Variants in FGF14 observed in about 807,000 individuals in gnomAD.
FGF14 encodes fibroblast growth factor homologous factor 4.
Under a neutral mutation model 25.5 loss-of-function variants are expected in FGF14, and 5 were observed. The observed-to-expected ratio is 0.20, with a 90% confidence interval of 0.10 to 0.41. The LOEUF is 0.41. Among genes scored for constraint, FGF14 ranks in the 10% least tolerant of loss-of-function variants. FGF14 has a pLI of 1.00. For missense variants in FGF14, 222 were observed against 320.1 expected, an observed-to-expected ratio of 0.69 and a Z score of 2.34; for synonymous variants, 138 against 118.3, an observed-to-expected ratio of 1.17 and a Z score of -1.08.
chr13:102,162,326 A>G (rs976263748), intron 1 of FGF14, among the ~76,000 whole-genome samples: 1 of 152,184 alleles, frequency 6.6e-6, no homozygotes, highest in African/African-American at 2.4e-5. Flanking sequence ...TTGAAGAGAA[A>G]GCTTTTAGAA....
rs973870854 is a variant in FGF14, at chr13:102,212,738, C to A, written c.208+188733G>T. On this transcript the variant is annotated intron_variant, in intron 1 of 4. Transcript: ENST00000376131. ...ATTGAGGAGGGCAAATAACTCTCTA[C>A]CTCTTCAAAATTTACAGATATCCTG... Among the ~76,000 whole-genome samples, 43 of 152,260 alleles carry A rather than the reference C, an allele frequency of 2.8e-4. 1 individual carries two copies. Among genetic ancestry groups the A allele is most frequent in the African/African-American group, 1.0e-3 (43 of 41,550 alleles).
At chr13:102,161,925 CT>C (rs567518687) in intron 1 of FGF14, among the ~76,000 whole-genome samples, 44 of 151,110 alleles carry the variant, frequency 2.9e-4, no homozygotes, top group Non-Finnish European at 4.9e-4. Flanking sequence ...TAACTGTTTT[CT>C]TTTTTTTATC....
At chr13:102,034,097 AAGG>A (rs1378135380) in intron 1 of FGF14, among the ~76,000 whole-genome samples, 1 of 152,122 alleles carries the variant, frequency 6.6e-6, no homozygotes, top group Non-Finnish European at 1.5e-5. Flanking sequence ...AACAGCAGGA[AAGG>A]AGAAGACTGC....
chr13:102,251,074 A>T (rs933051142), intron 1 of FGF14, among the ~76,000 whole-genome samples: 1 of 152,220 alleles, frequency 6.6e-6, no homozygotes, highest in Admixed American at 6.5e-5. Context: ...GATTTTTATT[A>T]CACGAAGTTT....
intron 3 of FGF14, among the ~76,000 whole-genome samples, chr13:101,752,520 A>C (rs950417936): frequency 1.3e-5 from 2 of 152,214 alleles, no homozygotes; most frequent in Non-Finnish European, 2.9e-5. Flanking sequence ...AAATGAAAGT[A>C]CTTGGCAAAG....
At chr13:102,161,626 AAGAAGAAGAAGAAGAAGAAGAAGAAGAAG>A (rs1566764637) in intron 1 of FGF14, among the ~76,000 whole-genome samples, 176 of 10,848 alleles carry the variant, frequency 0.016, 12 homozygotes, top group Non-Finnish European at 0.021. Context: ...GAAGAAGAAG[AAGAAGAAGAAGAAGAAGAAGAAGAAGAAG>A]AAGAAGAAGA....
intron 3 of FGF14, among the ~76,000 whole-genome samples, chr13:101,865,000 G>C (rs1039950138): frequency 6.6e-6 from 1 of 152,126 alleles, no homozygotes; most frequent in Non-Finnish European, 1.5e-5. Flanking sequence ...TTTTAACACA[G>C]GTATTGGTTG....
chr13:101,896,245 C>T (rs769221616), intron 1 of FGF14, among the ~76,000 whole-genome samples: 6 of 152,068 alleles, frequency 3.9e-5, no homozygotes, highest in Non-Finnish European at 8.8e-5. Context: ...AAATATCTTG[C>T]CTTTTTCTTG....
chr13:101,839,795 G>A (rs984975745), intron 3 of FGF14, among the ~76,000 whole-genome samples: 40 of 151,950 alleles, frequency 2.6e-4, no homozygotes, highest in Non-Finnish European at 5.3e-4. Flanking sequence ...CATGTGTACA[G>A]ACTCAAAATG....
At chr13:102,214,343 C>T (rs1264938420) in intron 1 of FGF14, among the ~76,000 whole-genome samples, 4 of 152,100 alleles carry the variant, frequency 2.6e-5, no homozygotes, top group African/African-American at 9.7e-5. Context: ...TTTTTATTGT[C>T]TCCTTCTATT....
chr13:102,139,272 T>G (rs372635618), intron 1 of FGF14, among the ~76,000 whole-genome samples: 2 of 152,002 alleles, frequency 1.3e-5, no homozygotes, highest in East Asian at 3.9e-4. Flanking sequence ...TGGTAGCACG[T>G]GCCTGTAATC....
At chr13:101,873,586 C>G (rs1446570195) in intron 2 of FGF14, among the ~76,000 whole-genome samples, 1 of 151,660 alleles carries the variant, frequency 6.6e-6, no homozygotes, top group Non-Finnish European at 1.5e-5. Flanking sequence ...AACTTTGTGA[C>G]CTACACAACA....
intron 1 of FGF14, among the ~76,000 whole-genome samples, chr13:101,985,062 T>G (rs927943603): frequency 7.2e-6 from 1 of 139,316 alleles, no homozygotes; most frequent in African/African-American, 2.9e-5. Context: ...TGGCCATGAA[T>G]TCAAGGGTTT....
At chr13:102,348,556 G>C (rs1252256081) in intron 1 of FGF14, among the ~76,000 whole-genome samples, 1 of 152,206 alleles carries the variant, frequency 6.6e-6, no homozygotes, top group Non-Finnish European at 1.5e-5. Flanking sequence ...CCTGGGCATA[G>C]AGAAAATCAC....
At chr13:101,794,269 T>C (rs2040399774) in intron 3 of FGF14, among the ~76,000 whole-genome samples, 1 of 152,132 alleles carries the variant, frequency 6.6e-6, no homozygotes, top group Admixed American at 6.6e-5. Context: ...TCTCTAGTCA[T>C]TCCTAGCACT....
chr13:101,924,690 T>C (rs1468634327), intron 1 of FGF14, among the ~76,000 whole-genome samples: 2 of 152,216 alleles, frequency 1.3e-5, no homozygotes, highest in African/African-American at 2.4e-5. Flanking sequence ...CTTTTAGTTC[T>C]AGTGAAGTGG....
intron 1 of FGF14, among the ~76,000 whole-genome samples, chr13:102,389,767 T>G (rs117994098): frequency 6.6e-6 from 1 of 151,902 alleles, no homozygotes; most frequent in East Asian, 1.9e-4. Flanking sequence ...AGCATCCACC[T>G]GAGACACTCA....
intron 1 of FGF14, among the ~76,000 whole-genome samples, chr13:101,936,983 C>T (rs2035145151): frequency 6.6e-6 from 1 of 152,078 alleles, no homozygotes; most frequent in Non-Finnish European, 1.5e-5. Flanking sequence ...GTTTGAAACA[C>T]CAGTGGAATG....
chr13:101,728,498 A>T (rs1283820519), intron 3 of FGF14, among the ~76,000 whole-genome samples: 1 of 152,168 alleles, frequency 6.6e-6, no homozygotes, highest in Non-Finnish European at 1.5e-5. Context: ...CGCCCGAAAA[A>T]AAAGATTGAT....
Sources: gnomAD v4.1 joint callset for allele counts (sites outside exome capture counted in the v4.1 genomes callset) on GRCh38, gnomAD v4.1.1 for gene constraint, MANE v1.5 for transcripts, NCBI Gene and HGNC (gene_info 2026-07-23, HGNC 2026-07-21) for gene names.